Variants in SERPINA6 observed in about 807,000 individuals in gnomAD.
SERPINA6 encodes the protein corticosteroid-binding globulin.
In SERPINA6, 19 loss-of-function variants were observed where a neutral mutation model predicts 26.4. The observed-to-expected ratio is 0.72, with a 90% CI of 0.50 to 1.06. The LOEUF (loss-of-function observed/expected upper bound fraction) is 1.06, where lower values mean the gene tolerates loss of function less well. SERPINA6 is among the 50% of genes least tolerant of loss of function. SERPINA6 has a pLI of 0.00. For synonymous variants in SERPINA6, 196 were observed against 199.4 expected (o/e 0.98, Z 0.14); for missense variants, 473 against 504.0 (o/e 0.94, Z 0.59).
intron 1 of SERPINA6, among the ~76,000 whole-genome samples, chr14:94,319,084 G>A (rs1360705957): frequency 6.6e-6 from 1 of 152,128 alleles, no homozygotes; most frequent in African/African-American, 2.4e-5. Context: ...TAATCATTAG[G>A]AATATCAAAA....
chr14:94,321,904 C>A (rs1242096659), intron 1 of SERPINA6, among the ~76,000 whole-genome samples: 1 of 152,208 alleles, frequency 6.6e-6, no homozygotes, highest in Admixed American at 6.5e-5. Flanking sequence ...GCTCCCCTGC[C>A]AGCTCTGGGG....
chr14:94,322,466 C>T (rs1895697003), intron 1 of SERPINA6, among the ~76,000 whole-genome samples: 1 of 152,160 alleles, frequency 6.6e-6, no homozygotes, highest in Non-Finnish European at 1.5e-5. Context: ...GCCGAGATCG[C>T]ACCATTGCAC....
intron 2 of SERPINA6, among the ~76,000 whole-genome samples, chr14:94,311,757 G>A (rs1424633849): frequency 6.6e-6 from 1 of 152,062 alleles, no homozygotes; most frequent in Non-Finnish European, 1.5e-5. Flanking sequence ...GGCTAACGTG[G>A]TGAAACCCTG....
At position 94,306,064 on chromosome 14, in the gene SERPINA6, C is replaced by G; in HGVS notation, c.1032+7G>C. 1.2e-6 allele frequency: 2 copies of G among 1,614,192 alleles called. No individual in the cohort carries two copies. The highest frequency in any genetic ancestry group is 1.7e-6 in the Non-Finnish European group (2 of 1,180,018). On this transcript the variant is annotated splice_region_variant and intron_variant, in intron 4 of 4. Transcript: ENST00000341584. ...GGGAAGAAAAGGTGGGTTCCCATGA[C>G]ATTTACCTTTGATGACTTCAGCTGG...
chr14:94,314,023 T>G lies in SERPINA6; in HGVS notation c.613+13A>C. On this transcript the variant is annotated intron_variant, in intron 2 of 4. Coordinates refer to ENST00000341584, the MANE Select transcript of SERPINA6 (RefSeq NM_001756.4). The stretch of plus-strand genomic sequence containing the variant: ...TAGTGGATGGGCCTTCAGATGGGGA[T>G]GGGTGGGAATACCTTTGAAGAAGAT... The G allele has an allele frequency of 1.9e-6, 3 of 1,614,070 alleles. No individual in the cohort carries two copies. The highest frequency in any genetic ancestry group is 2.5e-6 in the Non-Finnish European group (3 of 1,179,996).
Position 94,314,518 on chromosome 14 carries a change from A to G in SERPINA6, c.131T>C (p.Val44Ala), listed in dbSNP as rs537835110. The stretch of plus-strand genomic sequence containing the variant: ...CTTATACAGGCTGAAGGCAAAGTCA[A>G]CGTTGGCTGAAGCCAGGCCCCGGTG... ...NHHRGLASAN[V>A]DFAFSLYKHL... The change falls in exon 2 of 5, where the codon GTT becomes GCT. Residue 44 changes from valine to alanine, a missense_variant. Val to Ala is a moderately conservative substitution (Grantham distance 64). Coordinates refer to ENST00000341584, the MANE Select transcript of SERPINA6 (RefSeq NM_001756.4). The G allele has an allele frequency of 4.3e-6, 7 of 1,614,220 alleles. No individual in the cohort carries two copies. Among genetic ancestry groups the G allele is most frequent in the African/African-American group, 2.7e-5 (2 of 75,056 alleles).
chr14:94,312,099 C>G (rs562895106), intron 2 of SERPINA6, among the ~76,000 whole-genome samples: 1 of 152,252 alleles, frequency 6.6e-6, no homozygotes, highest in African/African-American at 2.4e-5. Flanking sequence ...AAAGTTTTAA[C>G]CAAACACTCA....
rs201880274 is a variant in SERPINA6 at position 94,309,817 on chromosome 14, G to A, written c.803C>T (p.Pro268Leu). ...VGNGTVFFILPDKGKMNTVIA... is the reference protein window; with the variant it reads ...VGNGTVFFILLDKGKMNTVIA... ...GACTGTGTTCATCTTCCCCTTGTCC[G>A]GAAGGATGAAGAAGACAGTCCCATT... Residue 268 changes from proline to leucine, a missense_variant, in exon 3 of 5, where the codon CCG (proline) becomes CTG (leucine). Coordinates refer to ENST00000341584, the MANE Select transcript of SERPINA6 (RefSeq NM_001756.4). 24 of 1,614,044 alleles carry A rather than the reference G, an allele frequency of 1.5e-5. No individual in the cohort carries two copies. The highest frequency in any genetic ancestry group is 6.6e-5 in the South Asian group (6 of 91,086).
chr14:94,312,673 G>A (rs1325772392), intron 2 of SERPINA6, among the ~76,000 whole-genome samples: 4 of 152,196 alleles, frequency 2.6e-5, no homozygotes, highest in East Asian at 1.9e-4. Flanking sequence ...CGAAGAGGGC[G>A]GCCTCTCCTG....
In SERPINA6 at chr14:94,319,285, TA is replaced by T. The variant is rs35678694; in HGVS notation, c.-20+3981del. Among the ~76,000 whole-genome samples the T allele has an allele frequency of 7.8e-4, 113 of 144,920 alleles. No homozygotes were observed. In the South Asian group the frequency reaches 0.018, roughly 23 times the overall value. On this transcript the variant is annotated intron_variant, in intron 1 of 4. Transcript: ENST00000341584. ...CTAGGTAACATAGCAAGATTTCCTT[TA>T]AAAAAATTTTTTTTTTAATTTAAAT...
At chr14:94,318,888 A>G (rs1239663863) in intron 1 of SERPINA6, among the ~76,000 whole-genome samples, 1 of 152,242 alleles carries the variant, frequency 6.6e-6, no homozygotes, top group Non-Finnish European at 1.5e-5. Context: ...CAGAATGGGA[A>G]AACATTTGCA....
chr14:94,320,232 G>T (rs542433740), intron 1 of SERPINA6, among the ~76,000 whole-genome samples: 2 of 152,176 alleles, frequency 1.3e-5, no homozygotes, highest in Non-Finnish European at 2.9e-5. Flanking sequence ...GCTCCAGGAG[G>T]TTGTGTTGTG....
intron 1 of SERPINA6, among the ~76,000 whole-genome samples, chr14:94,322,143 A>G (rs1001170135): frequency 3.3e-5 from 5 of 152,346 alleles, no homozygotes; most frequent in East Asian, 1.9e-4. Flanking sequence ...GATGTCTGAC[A>G]TCGGAGCTTG....
chr14:94,305,955 T>C (rs1895432195), intron 4 of SERPINA6, 116 bp downstream of exon 4: 14 of 1,197,228 alleles, frequency 1.2e-5, no homozygotes, highest in Non-Finnish European at 1.7e-5. Context: ...AACCTGGGGT[T>C]CTCAGCCAGG....
At chr14:94,322,609 G>T (rs1367008705) in intron 1 of SERPINA6, among the ~76,000 whole-genome samples, 52 of 152,198 alleles carry the variant, frequency 3.4e-4, no homozygotes, top group Admixed American at 3.4e-3. Context: ...TGCCCTCTTT[G>T]TTCCTCATCT....
chr14:94,318,669 G>T (rs1042040552), intron 1 of SERPINA6, among the ~76,000 whole-genome samples: 2 of 151,946 alleles, frequency 1.3e-5, no homozygotes, highest in Non-Finnish European at 2.9e-5. Context: ...ATTCAAAATA[G>T]ATCAATGACC....
In SERPINA6 at chr14:94,304,516, G is replaced by C. The variant is rs1392545062; in HGVS notation, c.1120C>G (p.Pro374Ala). 6.2e-7 allele frequency: 1 copy of C among 1,614,120 alleles called. No individual in the cohort carries two copies. Among genetic ancestry groups the C allele is most frequent in the Admixed American group, 1.7e-5 (1 of 60,024 alleles). ...GGCTGGTTGAAACGCAAGATGATAG[G>C]CTTGGACGTCAGGTTTAGGGTGACC... The part of the protein sequence containing the change: ...TGVTLNLTSK[P>A]IILRFNQPFI... Residue 374 changes from proline (P) to alanine (A), a missense_variant, in exon 5 of 5, where the codon CCT (proline) becomes GCT (alanine). Transcript: ENST00000341584.
intron 1 of SERPINA6, among the ~76,000 whole-genome samples, chr14:94,318,432 A>G (rs1315503876): frequency 6.6e-6 from 1 of 152,224 alleles, no homozygotes; most frequent in Non-Finnish European, 1.5e-5. Flanking sequence ...CTACAAAACT[A>G]TAATAATCAA....
In SERPINA6 at chr14:94,304,570, C is replaced by T. The variant is rs1566725243; in HGVS notation, c.1066G>A (p.Glu356Lys). Residue 356 changes from glutamate (E) to lysine (K), a missense_variant, in exon 5 of 5, where the codon GAG becomes AAG. Coordinates refer to ENST00000341584, the MANE Select transcript of SERPINA6 (RefSeq NM_001756.4). ...VHKAVLQLNE[E>K]GVDTAGSTGV... Reference sequence around the variant, plus strand: ...GTGGAGCCAGCTGTGTCCACACCCTCCTCATTGAGTTGCAGCACAGCTTTA... The same window carrying T: ...GTGGAGCCAGCTGTGTCCACACCCTTCTCATTGAGTTGCAGCACAGCTTTA... 2.5e-6 allele frequency: 4 copies of T among 1,614,170 alleles called. No individual in the cohort carries two copies. Among genetic ancestry groups the T allele is most frequent in the South Asian group, 1.1e-5 (1 of 91,074 alleles).
Sources: gnomAD v4.1 joint callset for allele counts (sites outside exome capture counted in the v4.1 genomes callset) on GRCh38, gnomAD v4.1.1 for gene constraint, MANE v1.5 for transcripts, NCBI Gene and HGNC (gene_info 2026-07-23, HGNC 2026-07-21) for gene names.